The following CLSTN3 variants were observed in gnomAD, a reference collection of about 807,000 sequenced individuals.
The protein encoded by CLSTN3 is calsyntenin 3.
Under a neutral mutation model 95.9 loss-of-function variants are expected in CLSTN3, and 36 were observed. The ratio of observed to expected loss-of-function variants is 0.38; its 90% CI spans 0.29 to 0.50. CLSTN3 has a LOEUF of 0.50. CLSTN3 is among the 20% of genes least tolerant of loss of function. The probability of loss-of-function intolerance (pLI) is 0.95; values close to 1 mark genes in which losing one functional copy is unlikely to be tolerated. For synonymous variants in CLSTN3, 481 were observed against 504.0 expected (o/e 0.95, Z 0.61); for missense variants, 1,084 against 1,268.8 (o/e 0.85, Z 2.21).
At chr12:7,130,303 TC>T (rs1174430972), upstream of CLSTN3, 2,505 of 778,948 alleles carry the variant, frequency 3.2e-3, 50 homozygotes, top group African/African-American at 0.028. Flanking sequence ...CAGCACCTGG[TC>T]CCCCCCCCTC....
At chr12:7,147,518 CTT>C (rs63621163) in intron 12 of CLSTN3, among the ~76,000 whole-genome samples, 1 of 142,004 alleles carries the variant, frequency 7.0e-6, no homozygotes. Flanking sequence ...TTCTTTTCTT[CTT>C]TTTTTTTTTG....
Position 7,130,720 on chromosome 12 carries a change from AGGTGGG to A in CLSTN3, c.64+18_64+23del. On this transcript the variant is annotated intron_variant, in intron 1 of 17. Coordinates refer to ENST00000266546, the MANE Select transcript of CLSTN3 (RefSeq NM_014718.4). Reference sequence around the variant, plus strand: ...CCTGCTCCTGTAACAAAGGTGAGTGAGGTGGGGGTGGGGGTACCGAAAGAGGGGCGT... The same window carrying A: ...CCTGCTCCTGTAACAAAGGTGAGTGAGGTGGGGGTACCGAAAGAGGGGCGT... The A allele has an allele frequency of 1.3e-6, 1 of 769,722 alleles. No individual in the cohort carries two copies. Among genetic ancestry groups the A allele is most frequent in the Admixed American group, 2.9e-5 (1 of 33,936 alleles). 47.7% of individuals were successfully genotyped at this position (769,722 alleles called of 1,614,324 possible).
chr12:7,130,473 G>A lies in CLSTN3; in HGVS notation c.-176G>A, dbSNP rs952791100. The stretch of plus-strand genomic sequence containing the variant: ...TCCACCGCCTCAGCTACCCAGATTG[G>A]GATCTGCCCAGGCCCGCTTTATGGA... On this transcript the variant is annotated 5_prime_UTR_variant, in exon 1 of 18. Coordinates refer to ENST00000266546, the MANE Select transcript of CLSTN3 (RefSeq NM_014718.4). 198 of 1,493,844 alleles carry A rather than the reference G, an allele frequency of 1.3e-4. 1 individual carries two copies. The highest frequency in any genetic ancestry group is 7.2e-4 in the Middle Eastern group (3 of 4,156). 92.5% of individuals were successfully genotyped at this position (1,493,844 alleles called of 1,614,324 possible).
Position 7,157,784 on chromosome 12 carries a change from C to T in CLSTN3, c.2730+93C>T. 6.7e-7 allele frequency: 1 copy of T among 1,496,520 alleles called. No individual in the cohort carries two copies. The highest frequency in any genetic ancestry group is 9.0e-7 in the Non-Finnish European group (1 of 1,109,604). The allele number at this position is 1,496,520 out of a possible 1,614,324, so 92.7% of individuals were successfully genotyped here. A position where few individuals can be genotyped will look rare whatever the true frequency, so the allele number is the denominator to read the frequency against. ...GAGGAGGGGCAGGCCTGGGTGGAGGCTGTTCGCAGAGCTGCAGTGAGCCGG... is the reference window on the plus strand; with the variant it reads ...GAGGAGGGGCAGGCCTGGGTGGAGGTTGTTCGCAGAGCTGCAGTGAGCCGG... On this transcript the variant is annotated intron_variant, in intron 17 of 17. Coordinates refer to ENST00000266546, the MANE Select transcript of CLSTN3 (RefSeq NM_014718.4). The surrounding 1 kb of genome is among the most constrained non-coding windows in gnomAD (Gnocchi z 5.9).
chr12:7,156,413 T>C (rs1407800142), intron 16 of CLSTN3: 1 of 456,864 alleles, frequency 2.2e-6, no homozygotes, highest in Admixed American at 2.3e-5. Flanking sequence ...GGCCCACGTC[T>C]GTAGTGTCTA....
chr12:7,137,176 C>T lies in CLSTN3; in HGVS notation c.1210+66C>T, dbSNP rs1202218089. On this transcript the variant is annotated intron_variant, in intron 7 of 17. Coordinates refer to ENST00000266546, the MANE Select transcript of CLSTN3 (RefSeq NM_014718.4). The surrounding 1 kb of genome is among the most constrained non-coding windows in gnomAD (Gnocchi z 4.4). ...GCTTCTTGTCCCGCCTCTGTCACTG[C>T]CCAGTGTGTGACTGTGAACAGGTCA... The T allele has an allele frequency of 1.3e-6, 2 of 1,502,728 alleles. No homozygotes were observed. Among genetic ancestry groups the T allele is most frequent in the South Asian group, 1.2e-5 (1 of 80,984 alleles). The allele number at this position is 1,502,728 out of a possible 1,614,324, so 93.1% of individuals were successfully genotyped here.
intron 1 of CLSTN3, chr12:7,132,435 T>A: frequency 4.7e-6 from 1 of 211,326 alleles, no homozygotes; most frequent in Non-Finnish European, 9.7e-6. Context: ...CCTCCCTCTG[T>A]CCTATATATC....
chr12:7,150,317 C>A lies in CLSTN3; in HGVS notation c.2246-227C>A, dbSNP rs1939701062. Among the ~76,000 whole-genome samples the A allele has an allele frequency of 6.6e-6, 1 of 152,216 alleles. No homozygotes were observed. Among genetic ancestry groups the A allele is most frequent in the Admixed American group, 6.5e-5 (1 of 15,286 alleles). ...TCCTTCTTTCCATTCCTCCTCAGAA[C>A]CTACAGAGCAGGAAATGGAGCCTTG... On this transcript the variant is annotated intron_variant, in intron 14 of 17. Transcript: ENST00000266546. This position sits in a 1 kb window ranked among gnomAD's most constrained non-coding sequence, Gnocchi z 4.0.
intron 8 of CLSTN3, among the ~76,000 whole-genome samples, chr12:7,140,828 G>A (rs762126581): frequency 6.6e-6 from 1 of 152,162 alleles, no homozygotes; most frequent in Non-Finnish European, 1.5e-5. Context: ...GATTGCTTGA[G>A]CCGAGGGGTT....
Position 7,143,003 on chromosome 12 carries a change from G to A in CLSTN3, c.1675G>A (p.Glu559Lys). 2.5e-6 allele frequency: 4 copies of A among 1,614,036 alleles called. No homozygotes were observed. Among genetic ancestry groups the A allele is most frequent in the Non-Finnish European group, 2.5e-6 (3 of 1,179,974 alleles). Residue 559 changes from glutamate to lysine, a missense_variant, in exon 11 of 18, where the codon GAG becomes AAG. Glu to Lys is a moderately conservative substitution (Grantham distance 56, BLOSUM62 1). Coordinates refer to ENST00000266546, the MANE Select transcript of CLSTN3 (RefSeq NM_014718.4). ...GGAGGGGCTGGACTATAGGGATTTC[G>A]AGAGCCTGGGCAAAGGCATGAAGGT... ...CREGLDYRDF[E>K]SLGKGMKVHV...
At chr12:7,136,489 C>A in intron 6 of CLSTN3, 98 bp downstream of exon 6, 1 of 1,169,836 alleles carries the variant, frequency 8.5e-7, no homozygotes, top group Non-Finnish European at 1.2e-6. Context: ...ACTGGCCATC[C>A]ACAGGTGTTT....
rs748439044 is a variant in CLSTN3, at chr12:7,130,742, A to G, written c.64+30A>G. Reference sequence around the variant, plus strand: ...GTGAGGTGGGGGTGGGGGTACCGAAAGAGGGGCGTCGGGCAGCGCCGTGCG... The same window carrying G: ...GTGAGGTGGGGGTGGGGGTACCGAAGGAGGGGCGTCGGGCAGCGCCGTGCG... On this transcript the variant is annotated intron_variant, in intron 1 of 17. Coordinates refer to ENST00000266546, the MANE Select transcript of CLSTN3 (RefSeq NM_014718.4). The G allele has an allele frequency of 1.9e-4, 252 of 1,351,402 alleles. No homozygotes were observed. The South Asian group carries it at 2.8e-3, about 15-fold the overall frequency. The allele number at this position is 1,351,402 out of a possible 1,614,324, so 83.7% of individuals were successfully genotyped here.
chr12:7,135,328 G>T lies in CLSTN3; in HGVS notation c.385G>T (p.Ala129Ser). 6.2e-7 allele frequency: 1 copy of T among 1,613,996 alleles called. No homozygotes were observed. The highest frequency in any genetic ancestry group is 1.1e-5 in the South Asian group (1 of 91,072). Residue 129 changes from alanine to serine, a missense_variant and splice_region_variant, in exon 4 of 18, where the codon GCC becomes TCC. Coordinates refer to ENST00000266546, the MANE Select transcript of CLSTN3 (RefSeq NM_014718.4). ...DGANTKKSHK[A>S]TVHVRVNDVN... ...CCTCCTTCTCTCTGGCATATGCAGGGCCACTGTGCATGTGCGGGTCAACGA... is the reference window on the plus strand; with the variant it reads ...CCTCCTTCTCTCTGGCATATGCAGGTCCACTGTGCATGTGCGGGTCAACGA...
In CLSTN3 at chr12:7,137,277, A is replaced by T; in HGVS notation, c.1210+167A>T. 2 of 660,484 alleles carry T rather than the reference A, an allele frequency of 3.0e-6. No homozygotes were observed. Among genetic ancestry groups the T allele is most frequent in the Non-Finnish European group, 5.1e-6 (2 of 392,794 alleles). 40.9% of individuals were successfully genotyped at this position (660,484 alleles called of 1,614,324 possible). On this transcript the variant is annotated intron_variant, in intron 7 of 17. Transcript: ENST00000266546. This position sits in a 1 kb window ranked among gnomAD's most constrained non-coding sequence, Gnocchi z 4.4. ...GATTCTGTGCTTTATCCCCAACATGACATGTTGGATCGTACTGCTGTCAGA... is the reference window on the plus strand; with the variant it reads ...GATTCTGTGCTTTATCCCCAACATGTCATGTTGGATCGTACTGCTGTCAGA...
At position 7,141,859 on chromosome 12, in the gene CLSTN3, T is replaced by G. The variant is rs1267250979; in HGVS notation, c.1487-227T>G. ...GCCCACGTGTTTCCTCAGCAGCATA[T>G]CGTATTTGGGGGTTTGTCTATAATA... On this transcript the variant is annotated intron_variant, in intron 9 of 17. Coordinates refer to ENST00000266546, the MANE Select transcript of CLSTN3 (RefSeq NM_014718.4). The surrounding 1 kb of genome is among the most constrained non-coding windows in gnomAD (Gnocchi z 4.1). Among the ~76,000 whole-genome samples the G allele has an allele frequency of 1.3e-5, 2 of 152,128 alleles. No homozygotes were observed. The highest frequency in any genetic ancestry group is 2.9e-5 in the Non-Finnish European group (2 of 68,030).
In CLSTN3 at chr12:7,150,243, T is replaced by G. The variant is rs895818035; in HGVS notation, c.2246-301T>G. Among the ~76,000 whole-genome samples the G allele has an allele frequency of 6.6e-6, 1 of 152,184 alleles. No homozygotes were observed. The highest frequency in any genetic ancestry group is 1.5e-5 in the Non-Finnish European group (1 of 68,030). ...CTTCTGTATTTTCCTCTTTCTCATA[T>G]TCCCTCCTGCTTGCCATCTCCCTTT... On this transcript the variant is annotated intron_variant, in intron 14 of 17. Transcript: ENST00000266546. This position sits in a 1 kb window ranked among gnomAD's most constrained non-coding sequence, Gnocchi z 4.0.
rs757077930 is a variant in CLSTN3, at chr12:7,141,245, T to C, written c.1327T>C (p.Cys443Arg). ...VKFLWKLEQV[C>R]DDEWHHYALN... The stretch of plus-strand genomic sequence containing the variant: ...TGCCCCTACCCTACTCTCCCAGGTC[T>C]GTGATGATGAGTGGCACCACTACGC... The change falls in exon 9 of 18, where the codon TGT becomes CGT. Residue 443 changes from cysteine to arginine, a missense_variant. Cys to Arg is a radical substitution (Grantham distance 180, BLOSUM62 -3). Coordinates refer to ENST00000266546, the MANE Select transcript of CLSTN3 (RefSeq NM_014718.4). The surrounding 1 kb of genome is among the most constrained non-coding windows in gnomAD (Gnocchi z 4.1). The C allele has an allele frequency of 6.2e-7, 1 of 1,613,882 alleles. No individual in the cohort carries two copies. Among genetic ancestry groups the C allele is most frequent in the South Asian group, 1.1e-5 (1 of 91,062 alleles).
Position 7,157,901 on chromosome 12 carries a change from A to T in CLSTN3, c.2731-40A>T. On this transcript the variant is annotated intron_variant, in intron 17 of 17. Coordinates refer to ENST00000266546, the MANE Select transcript of CLSTN3 (RefSeq NM_014718.4). The surrounding 1 kb of genome is among the most constrained non-coding windows in gnomAD (Gnocchi z 5.9). ...CTGAAAGAGAGGCTGGGATGTGTGC[A>T]GGCCATTGATCCCTTCTCCTCTCTG... 6.5e-7 allele frequency: 1 copy of T among 1,547,016 alleles called. No homozygotes were observed. Among genetic ancestry groups the T allele is most frequent in the Non-Finnish European group, 8.7e-7 (1 of 1,146,758 alleles).
chr12:7,133,466 A>G lies in CLSTN3; in HGVS notation c.188-107A>G. ...TTAATGCTTTTGTGCCTACAGGAGA[A>G]GGGACAGGGCTTTGGGAGGAGAGGT... is the stretch of plus-strand genomic sequence containing the variant. On this transcript the variant is annotated intron_variant, in intron 2 of 17. Transcript: ENST00000266546. The surrounding 1 kb of genome is among the most constrained non-coding windows in gnomAD (Gnocchi z 4.7). The G allele has an allele frequency of 9.0e-7, 1 of 1,109,980 alleles. No individual in the cohort carries two copies. 68.8% of individuals were successfully genotyped at this position (1,109,980 alleles called of 1,614,324 possible). A position where few individuals can be genotyped will look rare whatever the true frequency, so the allele number is the denominator to read the frequency against.
Sources: gnomAD v4.1 joint callset for allele counts (sites outside exome capture counted in the v4.1 genomes callset) on GRCh38, gnomAD v4.1.1 for gene constraint, Gnocchi (gnomAD v3.1) non-coding constraint, MANE v1.5 for transcripts, NCBI Gene and HGNC (gene_info 2026-07-23, HGNC 2026-07-21) for gene names.